COL5A2: variants seen among roughly 807,000 people sequenced by gnomAD.
COL5A2 encodes collagen type V alpha 2 chain.
A neutral mutation model predicts 208.2 loss-of-function variants in COL5A2; 23 were observed. The ratio of observed to expected loss-of-function variants is 0.11; its 90% CI spans 0.08 to 0.16. COL5A2 has a LOEUF of 0.16. Ranked by LOEUF, COL5A2 falls within the 10% of genes least tolerant of loss-of-function variation. The pLI is 1.00. For synonymous variants in COL5A2, 625 were observed against 628.5 expected, an observed-to-expected ratio of 0.99 and a Z score of 0.08; for missense variants, 1,590 against 1,956.4, an observed-to-expected ratio of 0.81 and a Z score of 3.53.
chr2:189,151,007 C>A (rs1559126738), intron 1 of COL5A2, among the ~76,000 whole-genome samples: 1 of 152,082 alleles, frequency 6.6e-6, no homozygotes, highest in African/African-American at 2.4e-5. Flanking sequence ...ATATGGAGGA[C>A]AGTAGTCTGT....
intron 2 of COL5A2, among the ~76,000 whole-genome samples, chr2:189,106,041 A>C (rs754547821): frequency 5.3e-5 from 8 of 151,390 alleles, no homozygotes; most frequent in Non-Finnish European, 7.4e-5. Context: ...CCTTTTTAAA[A>C]TCTTGTAGGG....
At chr2:189,399,283 C>CTTTTTTTTTT in the COL5A2 span, among the ~76,000 whole-genome samples, 1 of 144,956 alleles carries the variant, frequency 6.9e-6, no homozygotes. Flanking sequence ...TGGAATCTTG[C>CTTTTTTTTTT]TCTGTCACCC....
chr2:189,278,433 G>A, the COL5A2 span, among the ~76,000 whole-genome samples: 5 of 151,998 alleles, frequency 3.3e-5, no homozygotes, highest in South Asian at 4.1e-4. Context: ...TCAAGAAAAC[G>A]TATTGTATAT....
chr2:189,266,919 C>A, the COL5A2 span, among the ~76,000 whole-genome samples: 1 of 151,406 alleles, frequency 6.6e-6, no homozygotes, highest in African/African-American at 2.4e-5. Context: ...AATTCTTGGA[C>A]AGTTAACATA....
chr2:189,170,990 A>G (rs942337412), intron 1 of COL5A2, among the ~76,000 whole-genome samples: 2 of 152,182 alleles, frequency 1.3e-5, no homozygotes, highest in Admixed American at 1.3e-4. Flanking sequence ...TTGTTCCTGC[A>G]TGGCAGAGGT....
At chr2:189,162,921 C>CA (rs1411920115) in intron 1 of COL5A2, among the ~76,000 whole-genome samples, 8 of 151,954 alleles carry the variant, frequency 5.3e-5, no homozygotes, top group Non-Finnish European at 1.0e-4. Flanking sequence ...CAGCATATTC[C>CA]AAAAAAATTC....
At chr2:189,292,216 T>G in the COL5A2 span, among the ~76,000 whole-genome samples, 1 of 152,218 alleles carries the variant, frequency 6.6e-6, no homozygotes, top group Non-Finnish European at 1.5e-5. Context: ...GACCGCAGCT[T>G]ATTAATTGAT....
intron 1 of COL5A2, among the ~76,000 whole-genome samples, chr2:189,164,842 G>C (rs566048728): frequency 6.6e-6 from 1 of 152,312 alleles, no homozygotes; most frequent in African/African-American, 2.4e-5. Context: ...TATAAGGAAA[G>C]AGAGCTTTAT....
intron 26 of COL5A2, among the ~76,000 whole-genome samples, 197 bp downstream of exon 26, chr2:189,063,783 T>C (rs935186841): frequency 6.6e-6 from 1 of 152,208 alleles, no homozygotes; most frequent in African/African-American, 2.4e-5. Context: ...CTCAAATATT[T>C]ATCTTAGTAA....
At chr2:189,430,326 G>C in the COL5A2 span, among the ~76,000 whole-genome samples, 2 of 152,256 alleles carry the variant, frequency 1.3e-5, no homozygotes, top group African/African-American at 2.4e-5. Flanking sequence ...AAACTAAAAG[G>C]AGATACAGCT....
intron 18 of COL5A2, among the ~76,000 whole-genome samples, chr2:189,070,294 T>C (rs1686243725): frequency 6.6e-6 from 1 of 152,184 alleles, no homozygotes; most frequent in African/African-American, 2.4e-5. Context: ...GCCTTAGGAA[T>C]CTCATCAGTA....
intron 1 of COL5A2, among the ~76,000 whole-genome samples, chr2:189,136,066 G>C (rs1205883999): frequency 6.6e-6 from 1 of 152,148 alleles, no homozygotes; most frequent in Non-Finnish European, 1.5e-5. Context: ...ATTGCGAGTG[G>C]GATGGGACTT....
At chr2:189,179,911 G>A, upstream of COL5A2, 1 of 553,966 alleles carries the variant, frequency 1.8e-6, no homozygotes, top group South Asian at 2.8e-5. Flanking sequence ...ATCAGAACAC[G>A]CGTCTCTGTG....
At chr2:189,410,516 T>G in the COL5A2 span, among the ~76,000 whole-genome samples, 1 of 152,070 alleles carries the variant, frequency 6.6e-6, no homozygotes, top group African/African-American at 2.4e-5. Context: ...CAATGAGCTA[T>G]GATCACACCA....
intron 5 of COL5A2, 76 bp downstream of exon 5, chr2:189,098,651 G>T: frequency 9.0e-7 from 1 of 1,115,084 alleles, no homozygotes; most frequent in South Asian, 1.3e-5. Flanking sequence ...ATCTTCTCAT[G>T]GATATAATAT....
intron 1 of COL5A2, among the ~76,000 whole-genome samples, chr2:189,172,994 G>A (rs566575937): frequency 1.6e-5 from 2 of 127,728 alleles, no homozygotes; most frequent in South Asian, 2.4e-4. Flanking sequence ...TTTTTGAGAC[G>A]GAGTCTCGTT....
chr2:189,075,900 A>C (rs1043031779), intron 16 of COL5A2, among the ~76,000 whole-genome samples: 23 of 152,176 alleles, frequency 1.5e-4, no homozygotes, highest in African/African-American at 5.5e-4. Context: ...CCAGCTGGAA[A>C]TATAACCTGC....
intron 33 of COL5A2, 126 bp from the exon 34 acceptor site, chr2:189,057,553 T>A (rs1276106010): frequency 2.8e-6 from 2 of 722,720 alleles, no homozygotes; most frequent in Non-Finnish European, 4.9e-6. Flanking sequence ...CTTATATTTT[T>A]CATCTGAGAA....
At position 189,065,528 on chromosome 2, in the gene COL5A2, GA is replaced by G. The variant is rs1044645634; in HGVS notation, c.1564-472del. ...TGGACAACACAGCAAGACTATGTCA[GA>G]AAAAAAAAAGGAAGAAAGGAAGGAA... is the stretch of plus-strand genomic sequence containing the variant. On this transcript the variant is annotated intron_variant, in intron 23 of 53. Coordinates refer to ENST00000374866, the MANE Select transcript of COL5A2 (RefSeq NM_000393.5). Among the ~76,000 whole-genome samples, 718 of 142,968 alleles carry G rather than the reference GA, an allele frequency of 5.0e-3. 3 individuals carry two copies. Among genetic ancestry groups the G allele is most frequent in the Non-Finnish European group, 7.3e-3 (473 of 65,048 alleles). The allele number at this position is 142,968 out of a possible 152,430, so 93.8% of individuals were successfully genotyped here.
Sources: gnomAD v4.1 joint callset for allele counts (sites outside exome capture counted in the v4.1 genomes callset) on GRCh38, gnomAD v4.1.1 for gene constraint, MANE v1.5 for transcripts, NCBI Gene and HGNC (gene_info 2026-07-23, HGNC 2026-07-21) for gene names.